Variants in TNIK observed in about 807,000 individuals in gnomAD.
The protein encoded by TNIK is TRAF2 and NCK interacting kinase.
Under a neutral mutation model 191.3 loss-of-function variants are expected in TNIK, and 49 were observed. The ratio of observed to expected loss-of-function variants is 0.26; its 90% confidence interval spans 0.20 to 0.32. TNIK has a LOEUF of 0.32. TNIK is among the 10% of genes least tolerant of loss of function. The pLI is 1.00. For synonymous variants in TNIK, 594 were observed against 600.9 expected (o/e 0.99, Z 0.17); for missense variants, 1,155 against 1,702.3 (o/e 0.68, Z 5.66).
At chr3:171,326,125 A>C (rs1755722981) in intron 2 of TNIK, among the ~76,000 whole-genome samples, 1 of 152,162 alleles carries the variant, frequency 6.6e-6, no homozygotes, top group Non-Finnish European at 1.5e-5. Flanking sequence ...AAGCCCCTAA[A>C]AATTACCCCA....
At chr3:171,381,871 T>A (rs1718071173) in intron 1 of TNIK, among the ~76,000 whole-genome samples, 1 of 152,212 alleles carries the variant, frequency 6.6e-6, no homozygotes, top group African/African-American at 2.4e-5. Context: ...CCATTTCTGA[T>A]CCTGAGGTGA....
At chr3:171,064,303 G>A (rs1718148298) in intron 32 of TNIK, among the ~76,000 whole-genome samples, 1 of 152,130 alleles carries the variant, frequency 6.6e-6, no homozygotes, top group Admixed American at 6.6e-5. Flanking sequence ...GACCCAACAG[G>A]TTCTTTGTTA....
chr3:171,285,515 G>C (rs760198316), intron 2 of TNIK, among the ~76,000 whole-genome samples: 20 of 152,178 alleles, frequency 1.3e-4, no homozygotes, highest in Non-Finnish European at 2.8e-4. Flanking sequence ...TAAGTTAATT[G>C]ACACTCAGGA....
chr3:171,208,075 A>T (rs1234247103), intron 4 of TNIK, among the ~76,000 whole-genome samples: 1 of 152,160 alleles, frequency 6.6e-6, no homozygotes, highest in East Asian at 1.9e-4. Flanking sequence ...TTGCACCTGT[A>T]ATCCCAGTAC....
intron 15 of TNIK, among the ~76,000 whole-genome samples, chr3:171,132,911 A>G (rs1396520183): frequency 1.3e-5 from 2 of 152,242 alleles, no homozygotes; most frequent in African/African-American, 4.8e-5. Context: ...CCCCAACTGG[A>G]CAAAACAGTT....
intron 12 of TNIK, among the ~76,000 whole-genome samples, chr3:171,145,725 T>C (rs1386340341): frequency 1.3e-5 from 2 of 152,116 alleles, no homozygotes; most frequent in Admixed American, 6.5e-5. Flanking sequence ...AGGTCTAGTT[T>C]TAAGAGATAA....
intron 2 of TNIK, among the ~76,000 whole-genome samples, chr3:171,254,781 G>A (rs1051735791): frequency 2.6e-5 from 4 of 152,154 alleles, no homozygotes; most frequent in Non-Finnish European, 2.9e-5. Context: ...TAACACAATA[G>A]CGACTCGTTC....
chr3:171,064,151 C>T (rs541214831), intron 32 of TNIK, 187 bp from the exon 33 acceptor site: 9 of 569,034 alleles, frequency 1.6e-5, no homozygotes, highest in Non-Finnish European at 2.8e-5. Flanking sequence ...GCCTTTATTC[C>T]TAGGTTGTTA....
intron 15 of TNIK, among the ~76,000 whole-genome samples, chr3:171,136,314 C>T (rs1729969170): frequency 6.6e-6 from 1 of 152,190 alleles, no homozygotes; most frequent in African/African-American, 2.4e-5. Flanking sequence ...AGTTCATGCT[C>T]TTCCTGCCCC....
At chr3:171,124,617 T>C (rs748746390) in intron 17 of TNIK, among the ~76,000 whole-genome samples, 1 of 152,206 alleles carries the variant, frequency 6.6e-6, no homozygotes, top group Admixed American at 6.5e-5. Flanking sequence ...AATTTAATTT[T>C]TATTATTCAT....
intron 20 of TNIK, 41 bp from the exon 21 acceptor site, chr3:171,107,247 G>GA: frequency 3.1e-6 from 5 of 1,598,280 alleles, no homozygotes; most frequent in Non-Finnish European, 4.3e-6. Flanking sequence ...TCCACAGAAG[G>GA]AGGAAAAGCC....
intron 2 of TNIK, among the ~76,000 whole-genome samples, chr3:171,305,057 A>AAG (rs1753300619): frequency 6.6e-6 from 1 of 151,650 alleles, no homozygotes; most frequent in South Asian, 2.1e-4. Context: ...AGGGAAAAAA[A>AAG]AAAAGGAAAA....
chr3:171,212,574 C>A (rs1310089850), intron 3 of TNIK, among the ~76,000 whole-genome samples: 1 of 152,178 alleles, frequency 6.6e-6, no homozygotes, highest in Non-Finnish European at 1.5e-5. Flanking sequence ...CGTGAATCAT[C>A]ATGTATCTTT....
chr3:171,080,324 A>G (rs1388544609), intron 27 of TNIK, among the ~76,000 whole-genome samples: 1 of 152,232 alleles, frequency 6.6e-6, no homozygotes, highest in East Asian at 1.9e-4. Flanking sequence ...ACCAGATAAA[A>G]TGTCCATTGG....
At chr3:171,261,059 G>C (rs928187663) in intron 2 of TNIK, among the ~76,000 whole-genome samples, 1 of 152,132 alleles carries the variant, frequency 6.6e-6, no homozygotes, top group Non-Finnish European at 1.5e-5. Context: ...AAGAGATTTT[G>C]TCGGCTCTCC....
Position 171,259,162 on chromosome 3 carries a change from G to T in TNIK, c.124-30941C>A, listed in dbSNP as rs575831663. Among the ~76,000 whole-genome samples the T allele has an allele frequency of 4.6e-5, 7 of 152,298 alleles. No individual in the cohort carries two copies. In the East Asian group the frequency reaches 1.2e-3, roughly 25 times the overall value. ...TATGTGTGTGTGTATATGGCACATA[G>T]TGTGTACTTTATAAATGTTGGGGGA... On this transcript the variant is annotated intron_variant, in intron 2 of 32. Coordinates refer to ENST00000436636, the MANE Select transcript of TNIK (RefSeq NM_015028.4).
intron 2 of TNIK, among the ~76,000 whole-genome samples, chr3:171,347,640 G>A (rs1210631446): frequency 6.6e-6 from 1 of 152,168 alleles, no homozygotes; most frequent in Admixed American, 6.5e-5. Flanking sequence ...CATCGGAGCA[G>A]CAGCAATTTG....
intron 2 of TNIK, among the ~76,000 whole-genome samples, chr3:171,255,089 G>A (rs913444898): frequency 2.6e-5 from 4 of 152,096 alleles, no homozygotes; most frequent in Admixed American, 6.6e-5. Context: ...TCTAATTTTG[G>A]TTCATAACCA....
At chr3:171,349,647 C>CA (rs1712812341) in intron 2 of TNIK, among the ~76,000 whole-genome samples, 1 of 152,144 alleles carries the variant, frequency 6.6e-6, no homozygotes, top group Non-Finnish European at 1.5e-5. Flanking sequence ...AGGGTCCTGT[C>CA]AAAACAGGAT....
Sources: allele counts gnomAD v4.1 joint callset (sites outside exome capture counted in the v4.1 genomes callset), GRCh38; gene constraint gnomAD v4.1.1; transcripts MANE v1.5; gene names NCBI Gene and HGNC (gene_info 2026-07-23, HGNC 2026-07-21).